The following TAFA2 variants were observed in gnomAD, a reference collection of about 807,000 sequenced individuals.
TAFA2 encodes chemokine-like protein TAFA-2.
Under a neutral mutation model 18.8 loss-of-function variants are expected in TAFA2, and 7 were observed. The ratio of observed to expected loss-of-function variants is 0.37; its 90% CI spans 0.21 to 0.70. TAFA2 has a LOEUF of 0.70. Among genes scored for constraint, TAFA2 ranks in the 30% least tolerant of loss-of-function variants. TAFA2 has a pLI of 0.53. For missense variants in TAFA2, 122 were observed against 158.1 expected (o/e 0.77, Z 1.23); for synonymous variants, 60 against 54.2 (o/e 1.11, Z -0.47).
At chr12:62,224,963 A>G (rs1328622953) in intron 1 of TAFA2, among the ~76,000 whole-genome samples, 1 of 152,122 alleles carries the variant, frequency 6.6e-6, no homozygotes, top group African/African-American at 2.4e-5. Context: ...GCTTAGTTCC[A>G]CACGCCTGTA....
chr12:62,109,831 A>G (rs1190389259), intron 1 of TAFA2, among the ~76,000 whole-genome samples: 1 of 152,212 alleles, frequency 6.6e-6, no homozygotes, highest in East Asian at 1.9e-4. Context: ...TTGATTTTGT[A>G]TCCTGAGACT....
At chr12:61,931,976 T>C (rs764460765) in intron 1 of TAFA2, among the ~76,000 whole-genome samples, 4 of 152,212 alleles carry the variant, frequency 2.6e-5, no homozygotes, top group Non-Finnish European at 4.4e-5. Context: ...TACCTAAGTA[T>C]AAATTTCCCC....
intron 1 of TAFA2, among the ~76,000 whole-genome samples, chr12:61,962,721 C>T (rs1878929898): frequency 6.6e-6 from 1 of 151,822 alleles, no homozygotes; most frequent in East Asian, 1.9e-4. Context: ...TGTAATTATA[C>T]ACATATGTTC....
At chr12:61,906,878 G>T (rs1378142774) in intron 1 of TAFA2, among the ~76,000 whole-genome samples, 1 of 152,192 alleles carries the variant, frequency 6.6e-6, no homozygotes, top group African/African-American at 2.4e-5. Flanking sequence ...CTGCTCTAGA[G>T]ATCTGTGAAA....
intron 1 of TAFA2, among the ~76,000 whole-genome samples, chr12:62,153,749 A>T (rs2062346563): frequency 6.6e-6 from 1 of 152,132 alleles, no homozygotes; most frequent in African/African-American, 2.4e-5. Context: ...ATGCGGAATA[A>T]AAAGACATCT....
rs377146165 is a variant in TAFA2, at chr12:62,222,460, C to T, written c.-130+36303G>A. Among the ~76,000 whole-genome samples, 23 of 152,170 alleles carry T rather than the reference C, an allele frequency of 1.5e-4. No homozygotes were observed. In the East Asian group the frequency reaches 4.0e-3, roughly 27 times the overall value. On this transcript the variant is annotated intron_variant, in intron 1 of 5. Coordinates refer to the TAFA2 transcript ENST00000551619. The stretch of plus-strand genomic sequence containing the variant: ...GTGTAAGTGAAAATGGTGGCCCACA[C>T]ATTTTACCATGAAATCAACATAAAT...
intron 2 of TAFA2, among the ~76,000 whole-genome samples, chr12:61,832,101 G>C (rs1872742180): frequency 6.6e-6 from 1 of 151,998 alleles, no homozygotes; most frequent in Non-Finnish European, 1.5e-5. Flanking sequence ...ACTCAATCAA[G>C]AGACAGACAC....
intron 2 of TAFA2, among the ~76,000 whole-genome samples, chr12:61,768,815 G>A (rs1277168978): frequency 6.6e-6 from 1 of 152,058 alleles, no homozygotes; most frequent in African/African-American, 2.4e-5. Context: ...TGAACATGAA[G>A]TTTCCTAGAC....
intron 2 of TAFA2, among the ~76,000 whole-genome samples, chr12:61,819,593 T>C (rs1383102163): frequency 6.6e-6 from 1 of 152,124 alleles, no homozygotes; most frequent in African/African-American, 2.4e-5. Context: ...CTTATATTTT[T>C]CCTCAGATTC....
chr12:61,929,896 A>G (rs893778070), intron 1 of TAFA2, among the ~76,000 whole-genome samples: 9 of 152,022 alleles, frequency 5.9e-5, no homozygotes, highest in Admixed American at 2.0e-4. Context: ...TCAGCAAACT[A>G]TCACAAGGAC....
At chr12:61,718,762 T>C (rs1451455984) in intron 4 of TAFA2, among the ~76,000 whole-genome samples, 1 of 152,204 alleles carries the variant, frequency 6.6e-6, no homozygotes, top group Non-Finnish European at 1.5e-5. Flanking sequence ...CTTTCATTTG[T>C]AGAAGAGTAA....
intron 1 of TAFA2, among the ~76,000 whole-genome samples, chr12:61,989,630 G>A (rs955336050): frequency 2.0e-5 from 3 of 152,154 alleles, no homozygotes. Flanking sequence ...AGGTGCACAT[G>A]AGAAGCTGCC....
chr12:62,093,477 C>A (rs995520929), intron 1 of TAFA2, among the ~76,000 whole-genome samples: 3 of 152,018 alleles, frequency 2.0e-5, no homozygotes, highest in African/African-American at 7.2e-5. Flanking sequence ...AGAATTTACA[C>A]ATTCAAATGA....
intron 2 of TAFA2, among the ~76,000 whole-genome samples, chr12:61,787,419 A>G (rs1400621474): frequency 1.3e-5 from 2 of 151,686 alleles, no homozygotes; most frequent in African/African-American, 4.8e-5. Context: ...GAATACTCCA[A>G]TACTCTAAAG....
At chr12:61,885,028 A>C (rs1468210240) in intron 1 of TAFA2, among the ~76,000 whole-genome samples, 1 of 152,158 alleles carries the variant, frequency 6.6e-6, no homozygotes, top group Admixed American at 6.5e-5. Flanking sequence ...CTAAATTTAG[A>C]GTTTCTTATT....
At chr12:61,825,494 G>C (rs1592414611) in intron 2 of TAFA2, among the ~76,000 whole-genome samples, 1 of 152,092 alleles carries the variant, frequency 6.6e-6, no homozygotes, top group African/African-American at 2.4e-5. Context: ...AGAAAGGTAA[G>C]GGCAATAAGA....
intron 1 of TAFA2, among the ~76,000 whole-genome samples, chr12:62,172,474 G>C (rs2136942358): frequency 6.6e-6 from 1 of 152,250 alleles, no homozygotes; most frequent in African/African-American, 2.4e-5. Context: ...GAATGATATA[G>C]TCATCAATAT....
chr12:61,884,843 T>C (rs1289229518), intron 1 of TAFA2, among the ~76,000 whole-genome samples: 1 of 152,134 alleles, frequency 6.6e-6, no homozygotes, highest in Non-Finnish European at 1.5e-5. Context: ...AGCTAAAAGA[T>C]AATTAATATC....
rs1462116153 is a variant in TAFA2 at position 61,746,301 on chromosome 12, G to GT, written c.384+7320dup. 2.0e-5 allele frequency among the ~76,000 whole-genome samples: 3 copies of GT among 152,206 alleles called. No individual in the cohort carries two copies. In the East Asian group the frequency reaches 5.8e-4, roughly 30 times the overall value. On this transcript the variant is annotated intron_variant, in intron 4 of 4. Coordinates refer to ENST00000416284, the MANE Select transcript of TAFA2 (RefSeq NM_178539.5). ...TTTTCCTTTGCCTTGTGCCATGATT[G>GT]TAAGTTTCCTGAGGCCTCCCCAGCA... is the stretch of plus-strand genomic sequence containing the variant.
Sources: gnomAD v4.1 joint callset for allele counts (sites outside exome capture counted in the v4.1 genomes callset) on GRCh38, gnomAD v4.1.1 for gene constraint, MANE v1.5 for transcripts, NCBI Gene and HGNC (gene_info 2026-07-23, HGNC 2026-07-21) for gene names.